Variants in ST8SIA5 observed in about 807,000 individuals in gnomAD.
The protein encoded by ST8SIA5 is ST8 alpha-N-acetyl-neuraminide alpha-2,8-sialyltransferase 5, also known as alpha-2,8-sialyltransferase 8E.
In ST8SIA5, 24 loss-of-function variants were observed where a neutral mutation model predicts 40.2. The observed-to-expected ratio is 0.60, with a 90% confidence interval of 0.43 to 0.84. ST8SIA5 has a LOEUF of 0.84. Among genes scored for constraint, ST8SIA5 ranks in the 40% least tolerant of loss-of-function variants. The pLI, the probability that ST8SIA5 is intolerant of heterozygous loss-of-function variation, is 0.00. For synonymous variants in ST8SIA5, 198 were observed against 201.8 expected, an observed-to-expected ratio of 0.98 and a Z score of 0.16; for missense variants, 465 against 498.5, an observed-to-expected ratio of 0.93 and a Z score of 0.64.
At chr18:46,726,375 A>T (rs2039929973) in intron 1 of ST8SIA5, among the ~76,000 whole-genome samples, 1 of 152,106 alleles carries the variant, frequency 6.6e-6, no homozygotes, top group Non-Finnish European at 1.5e-5. Context: ...TAAAATTGAG[A>T]TAATTACACT....
At chr18:46,708,877 C>A (rs568063800) in intron 1 of ST8SIA5, among the ~76,000 whole-genome samples, 1 of 152,244 alleles carries the variant, frequency 6.6e-6, no homozygotes, top group South Asian at 2.1e-4. Context: ...TCCATATTTT[C>A]GTGTCTTACC....
At chr18:46,712,435 CT>C (rs1053253705) in intron 1 of ST8SIA5, among the ~76,000 whole-genome samples, 8 of 152,218 alleles carry the variant, frequency 5.3e-5, no homozygotes, top group Middle Eastern at 3.2e-3. Context: ...CTTCTCCCCC[CT>C]GGGGGAGTCT....
intron 1 of ST8SIA5, among the ~76,000 whole-genome samples, chr18:46,712,366 C>T (rs1289777519): frequency 6.6e-6 from 1 of 152,234 alleles, no homozygotes; most frequent in Non-Finnish European, 1.5e-5. Context: ...CCAACTCTCA[C>T]CACTTCTCCT....
chr18:46,709,497 T>C (rs540806129), intron 1 of ST8SIA5, among the ~76,000 whole-genome samples: 24 of 152,358 alleles, frequency 1.6e-4, no homozygotes, highest in Admixed American at 1.0e-3. Context: ...TGAGAAGCAC[T>C]GTCCCATATT....
chr18:46,696,658 G>A (rs1238025306), intron 2 of ST8SIA5, among the ~76,000 whole-genome samples: 2 of 152,356 alleles, frequency 1.3e-5, no homozygotes, highest in Non-Finnish European at 2.9e-5. Flanking sequence ...TTGTCAGAGA[G>A]CTCAAATGGA....
Position 46,679,905 on chromosome 18 carries a change from A to T in ST8SIA5, c.*137T>A. The T allele has an allele frequency of 1.2e-6, 1 of 865,358 alleles. No homozygotes were observed. Among genetic ancestry groups the T allele is most frequent in the Non-Finnish European group, 1.7e-6 (1 of 577,834 alleles). 53.6% of individuals were successfully genotyped at this position (865,358 alleles called of 1,614,324 possible). ...CCCTGCCTCCCTACCCCAGGATCCA[A>T]GTACAGAGCTGAACAATGGAGGGAG... On this transcript the variant is annotated 3_prime_UTR_variant, in exon 7 of 7. Transcript: ENST00000315087.
chr18:46,754,940 T>C (rs1280138047), intron 1 of ST8SIA5, among the ~76,000 whole-genome samples: 2 of 152,106 alleles, frequency 1.3e-5, no homozygotes, highest in Non-Finnish European at 2.9e-5. Flanking sequence ...CATAGGATCA[T>C]CTCAGGGGCA....
chr18:46,688,984 C>A (rs2039476083), intron 3 of ST8SIA5, 65 bp from the exon 4 acceptor site: 2 of 1,555,440 alleles, frequency 1.3e-6, no homozygotes, highest in Admixed American at 3.7e-5. Flanking sequence ...GGGCAGAGCA[C>A]AACCTCACGG....
intron 1 of ST8SIA5, among the ~76,000 whole-genome samples, chr18:46,740,031 T>C (rs747922149): frequency 6.6e-6 from 1 of 152,210 alleles, no homozygotes; most frequent in Non-Finnish European, 1.5e-5. Flanking sequence ...TTCTCAGATA[T>C]TGATCCCAAG....
At chr18:46,710,405 T>TC (rs1568263075) in intron 1 of ST8SIA5, among the ~76,000 whole-genome samples, 9 of 121,702 alleles carry the variant, frequency 7.4e-5, no homozygotes, top group African/African-American at 2.8e-4. Flanking sequence ...CTTTCTTTCT[T>TC]TCTTTCTTTC....
At chr18:46,747,248 C>T (rs2040149175) in intron 1 of ST8SIA5, among the ~76,000 whole-genome samples, 1 of 152,194 alleles carries the variant, frequency 6.6e-6, no homozygotes, top group Non-Finnish European at 1.5e-5. Context: ...AGAGCTTCTG[C>T]ATGGCAAAAT....
At chr18:46,716,706 G>A (rs1244876225) in intron 1 of ST8SIA5, among the ~76,000 whole-genome samples, 1 of 152,232 alleles carries the variant, frequency 6.6e-6, no homozygotes, top group Non-Finnish European at 1.5e-5. Context: ...GTCCTCCAAA[G>A]CCAGAGGCTC....
At chr18:46,740,125 A>G (rs1041898911) in intron 1 of ST8SIA5, among the ~76,000 whole-genome samples, 5 of 152,220 alleles carry the variant, frequency 3.3e-5, no homozygotes, top group African/African-American at 1.2e-4. Flanking sequence ...CATCCTCCCA[A>G]TAAAAAACAC....
chr18:46,682,235 A>T (rs1010180750), intron 5 of ST8SIA5, among the ~76,000 whole-genome samples, 171 bp from the exon 6 acceptor site: 48 of 152,224 alleles, frequency 3.2e-4, no homozygotes, highest in African/African-American at 1.1e-3. Flanking sequence ...TCTGCTCCTT[A>T]TCAGGCACTA....
chr18:46,680,655 C>T, intron 6 of ST8SIA5, 145 bp from the exon 7 acceptor site: 1 of 825,852 alleles, frequency 1.2e-6, no homozygotes, highest in Non-Finnish European at 1.8e-6. Context: ...CGCACCTGTG[C>T]AGATGAAGGT....
At chr18:46,750,596 C>G (rs1335287147) in intron 1 of ST8SIA5, among the ~76,000 whole-genome samples, 1 of 152,152 alleles carries the variant, frequency 6.6e-6, no homozygotes, top group Non-Finnish European at 1.5e-5. Context: ...CCTCTACTGC[C>G]AACCCAGCAG....
intron 1 of ST8SIA5, among the ~76,000 whole-genome samples, chr18:46,710,425 C>CTG (rs1439875801): frequency 8.5e-4 from 92 of 108,508 alleles, no homozygotes; most frequent in Non-Finnish European, 1.5e-3. Context: ...CTTTTTCTTT[C>CTG]TCTCTCTTTC....
At chr18:46,723,571 T>C (rs548002906) in intron 1 of ST8SIA5, among the ~76,000 whole-genome samples, 9 of 151,648 alleles carry the variant, frequency 5.9e-5, no homozygotes, top group African/African-American at 2.2e-4. Context: ...AATGAATGGA[T>C]AGATGAATGA....
rs751722870 is a variant in ST8SIA5, at chr18:46,672,692, G to C, written c.*7350C>G. On this transcript the variant is annotated 3_prime_UTR_variant, in exon 7 of 7. Coordinates refer to ENST00000315087, the MANE Select transcript of ST8SIA5 (RefSeq NM_013305.6). ...ATACCTAAAGACTTCTAAAAGATCA[G>C]CAAGGCTATTGTCTCTCAGGACATG... 2.0e-5 allele frequency: 3 copies of C among 152,098 alleles called. No individual in the cohort carries two copies. The highest frequency in any genetic ancestry group is 7.2e-5 in the African/African-American group (3 of 41,398). The allele number at this position is 152,098 out of a possible 1,614,324, so 9.4% of individuals were successfully genotyped here. A position where few individuals can be genotyped will look rare whatever the true frequency, so the allele number is the denominator to read the frequency against.
Sources: allele counts gnomAD v4.1 joint callset (sites outside exome capture counted in the v4.1 genomes callset), GRCh38; gene constraint gnomAD v4.1.1; transcripts MANE v1.5; gene names NCBI Gene and HGNC (gene_info 2026-07-23, HGNC 2026-07-21).